GALNT13: variants seen among roughly 807,000 people sequenced by gnomAD.
GALNT13 encodes UDP-GalNAc:polypeptide N-acetylgalactosaminyltransferase 13.
A neutral mutation model predicts 64.2 loss-of-function variants in GALNT13; 28 were observed. The ratio of observed to expected loss-of-function variants is 0.44; its 90% CI spans 0.32 to 0.60. The LOEUF (loss-of-function observed/expected upper bound fraction) is 0.60, where lower values mean the gene tolerates loss of function less well. Among genes scored for constraint, GALNT13 ranks in the 20% least tolerant of loss-of-function variants. The probability of loss-of-function intolerance (pLI) is 0.05; values close to 1 mark genes in which losing one functional copy is unlikely to be tolerated. For missense variants in GALNT13, 577 were observed against 669.8 expected (o/e 0.86, Z 1.53); for synonymous variants, 214 against 224.6 (o/e 0.95, Z 0.42).
At chr2:154,060,636 C>T (rs1415525917) in intron 3 of GALNT13, among the ~76,000 whole-genome samples, 4 of 152,112 alleles carry the variant, frequency 2.6e-5, no homozygotes, top group South Asian at 4.1e-4. Context: ...GGACCACAGG[C>T]GTGAGCCACC....
At chr2:154,359,607 T>G (rs1474976721) in intron 9 of GALNT13, among the ~76,000 whole-genome samples, 1 of 152,120 alleles carries the variant, frequency 6.6e-6, no homozygotes, top group Non-Finnish European at 1.5e-5. Context: ...TGATACAATG[T>G]AAGACAATCT....
At chr2:153,626,058 A>G in the GALNT13 span, among the ~76,000 whole-genome samples, 17 of 152,252 alleles carry the variant, frequency 1.1e-4, no homozygotes, top group East Asian at 7.7e-4. Flanking sequence ...AATTCTTTCA[A>G]GAATATAAGA....
chr2:153,903,685 G>A (rs1021638951), intron 2 of GALNT13, among the ~76,000 whole-genome samples: 5 of 151,882 alleles, frequency 3.3e-5, no homozygotes, highest in African/African-American at 9.7e-5. Context: ...TGGTAGCAGC[G>A]AATTTTAAAT....
At chr2:153,265,319 G>GGTC in the GALNT13 span, among the ~76,000 whole-genome samples, 91 of 152,276 alleles carry the variant, frequency 6.0e-4, no homozygotes, top group African/African-American at 2.0e-3. Context: ...TTTATCTCAT[G>GGTC]GTCGTGTGGC....
At chr2:153,408,723 ACT>A in the GALNT13 span, among the ~76,000 whole-genome samples, 95 of 151,574 alleles carry the variant, frequency 6.3e-4, 1 homozygote, top group African/African-American at 2.2e-3. Context: ...TGCTAGGGAA[ACT>A]CATACTGATT....
the GALNT13 span, among the ~76,000 whole-genome samples, chr2:153,568,045 T>C: frequency 3.0e-4 from 45 of 152,318 alleles, no homozygotes; most frequent in African/African-American, 1.1e-3. Flanking sequence ...ATTTCTATTA[T>C]TTCTGCCATT....
chr2:153,089,866 C>T, the GALNT13 span, among the ~76,000 whole-genome samples: 15 of 151,932 alleles, frequency 9.9e-5, no homozygotes, highest in African/African-American at 2.9e-4. Flanking sequence ...TTTTTAAAGT[C>T]GGTTTTTACC....
intron 9 of GALNT13, among the ~76,000 whole-genome samples, chr2:154,340,680 G>A (rs1695711399): frequency 6.6e-6 from 1 of 152,002 alleles, no homozygotes; most frequent in African/African-American, 2.4e-5. Context: ...AAATTCATAT[G>A]ACAAAGTCCA....
chr2:153,729,418 T>A, the GALNT13 span, among the ~76,000 whole-genome samples: 2,847 of 152,178 alleles, frequency 0.019, 82 homozygotes, highest in East Asian at 0.13. Flanking sequence ...TTTATCATTT[T>A]AAAAAAATTA....
chr2:154,351,231 A>G (rs1003472967), intron 9 of GALNT13, among the ~76,000 whole-genome samples: 2 of 152,174 alleles, frequency 1.3e-5, no homozygotes, highest in African/African-American at 4.8e-5. Flanking sequence ...TCTTTTGGAA[A>G]TGGTGTCATA....
At chr2:153,891,800 A>G (rs950725040) in intron 1 of GALNT13, among the ~76,000 whole-genome samples, 1 of 151,936 alleles carries the variant, frequency 6.6e-6, no homozygotes. Context: ...TTAGCATATC[A>G]TTCAAGGTCC....
the GALNT13 span, among the ~76,000 whole-genome samples, chr2:153,603,393 T>C: frequency 6.6e-6 from 1 of 151,930 alleles, no homozygotes. Context: ...ACTATATCAG[T>C]ACTAATTCTA....
chr2:153,697,188 A>T, the GALNT13 span, among the ~76,000 whole-genome samples: 1 of 152,292 alleles, frequency 6.6e-6, no homozygotes, highest in South Asian at 2.1e-4. Context: ...CCTCAAAGCT[A>T]GCAGTGGTCT....
the GALNT13 span, among the ~76,000 whole-genome samples, chr2:153,422,363 A>G: frequency 6.6e-6 from 1 of 152,160 alleles, no homozygotes; most frequent in African/African-American, 2.4e-5. Flanking sequence ...TAAATGGAAA[A>G]TAACCAATAG....
the GALNT13 span, among the ~76,000 whole-genome samples, chr2:153,260,066 C>G: frequency 1.3e-5 from 2 of 152,110 alleles, no homozygotes; most frequent in Admixed American, 6.6e-5. Flanking sequence ...TTTGCATAAG[C>G]AAACAAGCAA....
the GALNT13 span, among the ~76,000 whole-genome samples, chr2:153,104,044 T>C: frequency 6.6e-6 from 1 of 152,182 alleles, no homozygotes; most frequent in African/African-American, 2.4e-5. Flanking sequence ...CTCATCTTTA[T>C]ATCCCCTACA....
the GALNT13 span, among the ~76,000 whole-genome samples, chr2:153,132,969 T>A: frequency 6.6e-6 from 1 of 151,998 alleles, no homozygotes; most frequent in African/African-American, 2.4e-5. Context: ...GGGATCTACC[T>A]GCCGTGGCCT....
At chr2:153,350,465 CT>C in the GALNT13 span, among the ~76,000 whole-genome samples, 1 of 149,334 alleles carries the variant, frequency 6.7e-6, no homozygotes, top group African/African-American at 2.5e-5. Flanking sequence ...TCATTGCAAC[CT>C]CTGTCTCCCG....
the GALNT13 span, among the ~76,000 whole-genome samples, chr2:153,271,186 A>T: frequency 6.6e-6 from 1 of 152,242 alleles, no homozygotes; most frequent in Non-Finnish European, 1.5e-5. Flanking sequence ...AAAAGCTGGA[A>T]GAATTCCCTT....
Sources: gnomAD v4.1 joint callset for allele counts (sites outside exome capture counted in the v4.1 genomes callset) on GRCh38, gnomAD v4.1.1 for gene constraint, MANE v1.5 for transcripts, NCBI Gene and HGNC (gene_info 2026-07-23, HGNC 2026-07-21) for gene names.